Variants in AKAP19 observed in about 807,000 individuals in gnomAD.
AKAP19 encodes small A-kinase anchoring protein.
chr2:189,880,997 G>T, the AKAP19 span, among the ~76,000 whole-genome samples: 98 of 152,192 alleles, frequency 6.4e-4, no homozygotes, highest in African/African-American at 2.2e-3. Flanking sequence ...GAAGGCCAAA[G>T]TGACATACGT....
the AKAP19 span, among the ~76,000 whole-genome samples, chr2:190,064,606 T>C: frequency 6.6e-6 from 1 of 152,206 alleles, no homozygotes; most frequent in Non-Finnish European, 1.5e-5. Context: ...TGTAAATTGC[T>C]GAATATGGCA....
At chr2:190,020,354 A>C in the AKAP19 span, among the ~76,000 whole-genome samples, 1 of 152,234 alleles carries the variant, frequency 6.6e-6, no homozygotes, top group Non-Finnish European at 1.5e-5. Flanking sequence ...ATATGTTTAA[A>C]TGAGTGAAGT....
chr2:189,962,979 G>C, the AKAP19 span, among the ~76,000 whole-genome samples: 2 of 152,042 alleles, frequency 1.3e-5, no homozygotes, highest in East Asian at 1.9e-4. Context: ...TTCAAAATTG[G>C]AGTCAATCTT....
At chr2:189,987,751 C>T in the AKAP19 span, among the ~76,000 whole-genome samples, 1 of 152,176 alleles carries the variant, frequency 6.6e-6, no homozygotes, top group Non-Finnish European at 1.5e-5. Flanking sequence ...AATTTCTGCC[C>T]AGCATAACTT....
At chr2:190,012,796 G>A in the AKAP19 span, among the ~76,000 whole-genome samples, 1 of 152,096 alleles carries the variant, frequency 6.6e-6, no homozygotes, top group South Asian at 2.1e-4. Flanking sequence ...TAAACCTAAT[G>A]TGTTGAGAGT....
the AKAP19 span, among the ~76,000 whole-genome samples, chr2:190,029,090 T>C: frequency 2.0e-5 from 3 of 151,936 alleles, no homozygotes; most frequent in African/African-American, 7.3e-5. Context: ...CTCACTCTTG[T>C]TGTCCAGGCT....
the AKAP19 span, among the ~76,000 whole-genome samples, chr2:189,881,871 A>G: frequency 6.6e-6 from 1 of 152,212 alleles, no homozygotes; most frequent in Non-Finnish European, 1.5e-5. Context: ...CCAGTTTCCC[A>G]TTTTTATTAA....
chr2:190,076,083 A>T, the AKAP19 span, among the ~76,000 whole-genome samples: 2 of 152,228 alleles, frequency 1.3e-5, no homozygotes, highest in Middle Eastern at 3.4e-3. Context: ...AAATTCCCTA[A>T]TGCATTGTTG....
At chr2:190,002,032 G>A in the AKAP19 span, among the ~76,000 whole-genome samples, 7 of 152,204 alleles carry the variant, frequency 4.6e-5, no homozygotes, top group African/African-American at 1.7e-4. Flanking sequence ...GGAGACAGCA[G>A]AGAATCGCTG....
the AKAP19 span, among the ~76,000 whole-genome samples, chr2:189,944,136 T>C: frequency 6.6e-6 from 1 of 152,118 alleles, no homozygotes; most frequent in South Asian, 2.1e-4. Context: ...GGCAGAGTGA[T>C]ATAGTTTAGA....
chr2:190,088,491 A>G, the AKAP19 span, among the ~76,000 whole-genome samples: 1 of 152,158 alleles, frequency 6.6e-6, no homozygotes, highest in East Asian at 1.9e-4. Flanking sequence ...AGAATATCCA[A>G]ATAAATATTT....
At chr2:189,949,623 T>TTTTC in the AKAP19 span, among the ~76,000 whole-genome samples, 45 of 150,126 alleles carry the variant, frequency 3.0e-4, no homozygotes, top group East Asian at 1.6e-3. Flanking sequence ...GTTACCTACT[T>TTTTC]TTTCTTTCTT....
the AKAP19 span, among the ~76,000 whole-genome samples, chr2:190,018,014 A>G: frequency 2.0e-5 from 3 of 152,106 alleles, no homozygotes; most frequent in African/African-American, 4.8e-5. Context: ...AAATCTGCTG[A>G]TAGCTTTATT....
the AKAP19 span, among the ~76,000 whole-genome samples, chr2:189,965,717 C>A: frequency 1.3e-5 from 2 of 151,980 alleles, no homozygotes; most frequent in Non-Finnish European, 2.9e-5. Flanking sequence ...TAAACTGGTA[C>A]AACCACTATG....
chr2:190,112,464 T>C, the AKAP19 span, among the ~76,000 whole-genome samples: 1 of 152,206 alleles, frequency 6.6e-6, no homozygotes, highest in African/African-American at 2.4e-5. Flanking sequence ...ACCTGTCTTA[T>C]TCCCAAATGC....
chr2:190,064,742 GC>G, the AKAP19 span, among the ~76,000 whole-genome samples: 10 of 152,122 alleles, frequency 6.6e-5, no homozygotes, highest in African/African-American at 2.2e-4. Flanking sequence ...GGTCATAGCT[GC>G]CAATTATCAG....
the AKAP19 span, chr2:190,180,672 A>C: frequency 4.1e-6 from 4 of 985,004 alleles, no homozygotes; most frequent in Admixed American, 6.2e-5. This position sits in a 1 kb window ranked among gnomAD's most constrained non-coding sequence, Gnocchi z 6.8. Flanking sequence ...GGAAGTATCG[A>C]GGCAACCCTC....
At chr2:190,164,364 GTC>G in the AKAP19 span, among the ~76,000 whole-genome samples, 2 of 152,004 alleles carry the variant, frequency 1.3e-5, no homozygotes, top group East Asian at 3.9e-4. Context: ...GTGAAACCCT[GTC>G]TCTATTAAAA....
At chr2:189,918,891 A>G in the AKAP19 span, among the ~76,000 whole-genome samples, 8 of 152,366 alleles carry the variant, frequency 5.3e-5, no homozygotes, top group African/African-American at 1.9e-4. Flanking sequence ...TAAGTGAAAG[A>G]ACCCAGGTAT....
Sources: allele counts gnomAD v4.1 joint callset (sites outside exome capture counted in the v4.1 genomes callset), GRCh38; gene constraint gnomAD v4.1.1; non-coding constraint Gnocchi (gnomAD v3.1); transcripts MANE v1.5; gene names NCBI Gene and HGNC (gene_info 2026-07-23, HGNC 2026-07-21).